PRR16: variants seen among roughly 807,000 people sequenced by gnomAD.
The protein encoded by PRR16 is protein Largen.
A neutral mutation model predicts 18.2 loss-of-function variants in PRR16; 6 were observed. That is an observed-to-expected ratio of 0.33 (90% CI 0.18 to 0.65). The LOEUF is 0.65. PRR16 is among the 30% of genes least tolerant of loss of function. The probability of loss-of-function intolerance (pLI) is 0.74; values close to 1 mark genes in which losing one functional copy is unlikely to be tolerated. For synonymous variants in PRR16, 151 were observed against 147.8 expected, an observed-to-expected ratio of 1.02 and a Z score of -0.16; for missense variants, 412 against 376.6, an observed-to-expected ratio of 1.09 and a Z score of -0.78.
chr5:120,589,665 A>G (rs1311715606), intron 1 of PRR16, among the ~76,000 whole-genome samples: 1 of 152,096 alleles, frequency 6.6e-6, no homozygotes, highest in African/African-American at 2.4e-5. Flanking sequence ...GGAAGATGTG[A>G]AAGCGGAAAT....
chr5:120,641,958 A>G (rs1179176616), intron 1 of PRR16, among the ~76,000 whole-genome samples: 2 of 152,070 alleles, frequency 1.3e-5, no homozygotes, highest in Non-Finnish European at 2.9e-5. Context: ...CTCTTTAGGT[A>G]TGACTTACAT....
At chr5:120,737,035 T>C in the PRR16 span, among the ~76,000 whole-genome samples, 3 of 152,294 alleles carry the variant, frequency 2.0e-5, no homozygotes, top group East Asian at 5.8e-4. Context: ...GGTCATGTCA[T>C]TTATGAAGAG....
chr5:120,492,445 T>G (rs1377803824), intron 1 of PRR16, among the ~76,000 whole-genome samples: 2 of 152,194 alleles, frequency 1.3e-5, no homozygotes, highest in East Asian at 3.8e-4. Flanking sequence ...TAGTGTTCAG[T>G]TTTCCAAGGA....
chr5:120,759,254 G>A, the PRR16 span, among the ~76,000 whole-genome samples: 2 of 151,936 alleles, frequency 1.3e-5, no homozygotes. Flanking sequence ...GGGATTACAG[G>A]CGTGAGCCAC....
At chr5:120,705,075 T>C in the PRR16 span, among the ~76,000 whole-genome samples, 6 of 141,974 alleles carry the variant, frequency 4.2e-5, no homozygotes, top group Non-Finnish European at 9.0e-5. Flanking sequence ...TCAATGTCCA[T>C]TGTAAAAAAA....
At chr5:120,711,822 C>T in the PRR16 span, among the ~76,000 whole-genome samples, 2 of 152,168 alleles carry the variant, frequency 1.3e-5, no homozygotes, top group Non-Finnish European at 2.9e-5. Flanking sequence ...AATCAGATAA[C>T]TTACACTTCT....
intron 1 of PRR16, among the ~76,000 whole-genome samples, chr5:120,646,413 G>A (rs1225941830): frequency 6.6e-6 from 1 of 151,842 alleles, no homozygotes; most frequent in Non-Finnish European, 1.5e-5. Flanking sequence ...AATTTTAGCA[G>A]CCAAGATGAG....
chr5:120,477,693 C>T (rs2112806548), intron 1 of PRR16, among the ~76,000 whole-genome samples: 1 of 152,304 alleles, frequency 6.6e-6, no homozygotes, highest in Non-Finnish European at 1.5e-5. Flanking sequence ...AGTCAGAGCA[C>T]TTACTGTAGC....
At chr5:120,786,999 C>A in the PRR16 span, among the ~76,000 whole-genome samples, 72,582 of 151,908 alleles carry the variant, frequency 0.48, 17,961 homozygotes, top group African/African-American at 0.6. Context: ...GGTTTTAAGC[C>A]AAGTCATTTC....
intron 1 of PRR16, among the ~76,000 whole-genome samples, chr5:120,650,411 T>A (rs1454422822): frequency 3.3e-5 from 5 of 151,780 alleles, no homozygotes; most frequent in African/African-American, 9.7e-5. Context: ...ATGTGCCATG[T>A]TGGTGTGCTG....
At chr5:120,653,314 T>C (rs1161698437) in intron 1 of PRR16, among the ~76,000 whole-genome samples, 1 of 121,984 alleles carries the variant, frequency 8.2e-6, no homozygotes, top group African/African-American at 2.7e-5. Context: ...AAAAAAAGTA[T>C]TTTTTCACTG....
intron 1 of PRR16, among the ~76,000 whole-genome samples, chr5:120,551,386 GC>G (rs2112699890): frequency 6.6e-6 from 1 of 152,072 alleles, no homozygotes; most frequent in African/African-American, 2.4e-5. Flanking sequence ...AAGTTAAAAT[GC>G]CGGCTCTTTC....
intron 1 of PRR16, among the ~76,000 whole-genome samples, chr5:120,485,756 G>C (rs116703019): frequency 2.0e-5 from 3 of 151,956 alleles, no homozygotes; most frequent in Admixed American, 2.0e-4. Flanking sequence ...CCATCAACCC[G>C]TCATCTAACA....
chr5:120,699,721 A>G, the PRR16 span, among the ~76,000 whole-genome samples: 1 of 152,078 alleles, frequency 6.6e-6, no homozygotes, highest in Non-Finnish European at 1.5e-5. Flanking sequence ...GTCAAGTTGG[A>G]CAGAAAGGCT....
At chr5:120,699,322 C>T in the PRR16 span, among the ~76,000 whole-genome samples, 1 of 152,180 alleles carries the variant, frequency 6.6e-6, no homozygotes. Flanking sequence ...GCGATTAGGC[C>T]TGGTGGAACC....
intron 1 of PRR16, among the ~76,000 whole-genome samples, chr5:120,628,681 A>C (rs201620634): frequency 6.9e-6 from 1 of 144,598 alleles, no homozygotes; most frequent in Non-Finnish European, 1.5e-5. Context: ...CTATCTATCT[A>C]TCTATCATTC....
At chr5:120,756,444 G>A in the PRR16 span, among the ~76,000 whole-genome samples, 6,831 of 151,900 alleles carry the variant, frequency 0.045, 531 homozygotes, top group African/African-American at 0.16. Flanking sequence ...TTTTCTCTGC[G>A]GCCTCACCAG....
At chr5:120,702,030 C>T in the PRR16 span, among the ~76,000 whole-genome samples, 1 of 151,652 alleles carries the variant, frequency 6.6e-6, no homozygotes, top group African/African-American at 2.4e-5. Context: ...AGAACACAGG[C>T]CAAGGGAGTA....
intron 1 of PRR16, among the ~76,000 whole-genome samples, chr5:120,612,021 A>T (rs1356708356): frequency 2.6e-5 from 4 of 152,170 alleles, no homozygotes; most frequent in African/African-American, 9.6e-5. Flanking sequence ...CGTGACCTTG[A>T]TGTGAGATCT....
Sources: allele counts gnomAD v4.1 joint callset (sites outside exome capture counted in the v4.1 genomes callset), GRCh38; gene constraint gnomAD v4.1.1; transcripts MANE v1.5; gene names NCBI Gene and HGNC (gene_info 2026-07-23, HGNC 2026-07-21).